Variants in FBXO34 observed in about 807,000 individuals in gnomAD.
FBXO34 encodes F-box protein 34.
In FBXO34, 12 loss-of-function variants were observed where a neutral mutation model predicts 24.5. The observed-to-expected ratio is 0.49, with a 90% CI of 0.31 to 0.79. The LOEUF (loss-of-function observed/expected upper bound fraction) is 0.79, where lower values mean the gene tolerates loss of function less well. FBXO34 is among the 30% of genes least tolerant of loss of function. The pLI is 0.04. For synonymous variants in FBXO34, 320 were observed against 311.9 expected (o/e 1.03, Z -0.27); for missense variants, 823 against 857.7 (o/e 0.96, Z 0.51).
intron 1 of FBXO34, among the ~76,000 whole-genome samples, chr14:55,273,040 C>G (rs1398667843): frequency 6.6e-6 from 1 of 152,150 alleles, no homozygotes; most frequent in Non-Finnish European, 1.5e-5. Flanking sequence ...TCATTTCCTC[C>G]TCTGTAGAAT....
chr14:55,349,993 G>T (rs937580265), intron 1 of FBXO34, among the ~76,000 whole-genome samples: 5 of 152,048 alleles, frequency 3.3e-5, no homozygotes, highest in African/African-American at 1.2e-4. Flanking sequence ...ATCTAGTAGG[G>T]ATCTTGGAGG....
chr14:55,326,305 C>G (rs1413425231), intron 1 of FBXO34, among the ~76,000 whole-genome samples: 5 of 152,170 alleles, frequency 3.3e-5, no homozygotes, highest in African/African-American at 1.2e-4. Flanking sequence ...TAGGGAAGAT[C>G]TGGGGGACTA....
At chr14:55,310,359 C>A (rs1029003454) in intron 1 of FBXO34, among the ~76,000 whole-genome samples, 1 of 152,032 alleles carries the variant, frequency 6.6e-6, no homozygotes, top group African/African-American at 2.4e-5. Context: ...ACTTTTGTTG[C>A]CAGTTGAGAG....
intron 1 of FBXO34, among the ~76,000 whole-genome samples, chr14:55,345,273 A>AT (rs1884122331): frequency 6.6e-6 from 1 of 152,038 alleles, no homozygotes; most frequent in Non-Finnish European, 1.5e-5. Context: ...CTCATCCTCC[A>AT]TTTTCAGTCA....
chr14:55,343,285 C>G (rs919597762), intron 1 of FBXO34, among the ~76,000 whole-genome samples: 1 of 139,716 alleles, frequency 7.2e-6, no homozygotes, highest in African/African-American at 2.7e-5. Flanking sequence ...GAGTCTTGCT[C>G]TGTCGCCCAG....
intron 1 of FBXO34, chr14:55,299,322 A>G (rs1467460490): frequency 2.0e-6 from 1 of 498,904 alleles, no homozygotes. Flanking sequence ...CTCGACTCTC[A>G]CTCCAAAGCA....
the FBXO34 span, chr14:55,424,114 A>G: frequency 1.5e-6 from 2 of 1,357,848 alleles, no homozygotes; most frequent in African/African-American, 2.9e-5. Flanking sequence ...AAGCACATGC[A>G]TAGCAATTAC....
intron 1 of FBXO34, among the ~76,000 whole-genome samples, chr14:55,288,102 G>T (rs1594727602): frequency 1.3e-5 from 2 of 152,140 alleles, no homozygotes; most frequent in South Asian, 4.1e-4. Context: ...TATAAATGAT[G>T]TCTCCTTTGT....
intron 3 of FBXO34, among the ~76,000 whole-genome samples, chr14:55,361,021 A>G (rs1009105532): frequency 6.6e-6 from 1 of 152,110 alleles, no homozygotes. Flanking sequence ...AAAAAAGTTG[A>G]TATTTTTCCT....
At chr14:55,360,083 T>C (rs115931570) in intron 3 of FBXO34, among the ~76,000 whole-genome samples, 2,134 of 152,080 alleles carry the variant, frequency 0.014, 57 homozygotes, top group African/African-American at 0.049. Context: ...AAAATAATTT[T>C]TTTTTTTGAG....
At chr14:55,404,945 T>C in the FBXO34 span, among the ~76,000 whole-genome samples, 2 of 152,216 alleles carry the variant, frequency 1.3e-5, no homozygotes, top group South Asian at 2.1e-4. Flanking sequence ...AGAAATGAGA[T>C]AGTAAATGCA....
the FBXO34 span, among the ~76,000 whole-genome samples, chr14:55,394,515 T>C: frequency 7.2e-5 from 11 of 152,304 alleles, no homozygotes; most frequent in African/African-American, 2.6e-4. Context: ...TCTTCACACA[T>C]TGATAAGCTG....
chr14:55,359,434 T>G (rs1231663872), intron 3 of FBXO34, among the ~76,000 whole-genome samples: 1 of 152,234 alleles, frequency 6.6e-6, no homozygotes, highest in Admixed American at 6.5e-5. Context: ...AAGTTATGTT[T>G]ATGTGATACT....
rs1470414995 is a variant in FBXO34, at chr14:55,296,382, GTTTTTTTTGTTTTTTT to G, written c.-11+24854_-11+24869del. On this transcript the variant is annotated intron_variant, in intron 1 of 1. Transcript: ENST00000313833. The stretch of plus-strand genomic sequence containing the variant: ...AGTGGGTAGGTTTTGCTGTTCTTGT[GTTTTTTTTGTTTTTTT>G]TTTTTTTTTTTTTTTTTGAGACAGT... 5.6e-3 allele frequency among the ~76,000 whole-genome samples: 537 copies of G among 95,824 alleles called. 5 individuals carry two copies. Among genetic ancestry groups the G allele is most frequent in the African/African-American group, 0.019 (513 of 26,476 alleles). The allele number at this position is 95,824 out of a possible 152,430, so 62.9% of individuals were successfully genotyped here.
chr14:55,290,546 A>G (rs901717906), intron 1 of FBXO34, among the ~76,000 whole-genome samples: 7 of 152,248 alleles, frequency 4.6e-5, no homozygotes, highest in South Asian at 2.1e-4. Context: ...ATACTGCTCT[A>G]TGTATGCTGC....
chr14:55,334,179 C>T (rs1315004717), intron 1 of FBXO34, among the ~76,000 whole-genome samples: 1 of 152,112 alleles, frequency 6.6e-6, no homozygotes, highest in Non-Finnish European at 1.5e-5. Context: ...TCCACCTTTT[C>T]CACCGCTCAT....
chr14:55,373,093 C>A (rs1225379895), downstream of FBXO34, among the ~76,000 whole-genome samples: 1 of 152,208 alleles, frequency 6.6e-6, no homozygotes, highest in Non-Finnish European at 1.5e-5. Flanking sequence ...AGACCCCAAG[C>A]TAGAGACACA....
intron 1 of FBXO34, among the ~76,000 whole-genome samples, chr14:55,332,289 G>T (rs1883622368): frequency 1.3e-5 from 2 of 151,730 alleles, no homozygotes; most frequent in South Asian, 4.1e-4. Context: ...CATCCTTTTT[G>T]ATTATCCTTG....
chr14:55,322,217 A>G (rs1419730937), intron 1 of FBXO34, among the ~76,000 whole-genome samples: 1 of 151,666 alleles, frequency 6.6e-6, no homozygotes, highest in African/African-American at 2.4e-5. Context: ...GGCTGAGGCA[A>G]GAGAATGGCG....
Sources: gnomAD v4.1 joint callset for allele counts (sites outside exome capture counted in the v4.1 genomes callset) on GRCh38, gnomAD v4.1.1 for gene constraint, MANE v1.5 for transcripts, NCBI Gene and HGNC (gene_info 2026-07-23, HGNC 2026-07-21) for gene names.